The following TMOD2 variants were observed in gnomAD, a reference collection of about 807,000 sequenced individuals.
TMOD2 encodes tropomodulin 2, also known as tropomodulin-2.
TMOD2 carries 22 observed loss-of-function variants against 39.9 expected under a neutral mutation model. That is an observed-to-expected ratio of 0.55 (90% CI 0.39 to 0.79). The LOEUF is 0.79. TMOD2 is among the 30% of genes least tolerant of loss of function. The pLI is 0.00. For missense variants in TMOD2, 386 were observed against 413.3 expected, an observed-to-expected ratio of 0.93 and a Z score of 0.57; for synonymous variants, 123 against 146.1, an observed-to-expected ratio of 0.84 and a Z score of 1.14.
chr15:51,812,546 A>C lies in TMOD2; in HGVS notation c.*4092A>C, dbSNP rs1474363736. 2 of 152,256 alleles carry C rather than the reference A, an allele frequency of 1.3e-5. No homozygotes were observed. The highest frequency in any genetic ancestry group is 2.9e-5 in the Non-Finnish European group (2 of 68,042). 9.4% of individuals were successfully genotyped at this position (152,256 alleles called of 1,614,324 possible). ...GCACTACGAAGAAGACAGAGGAAGC[A>C]TAAAAATTCTGGACTAATATAATTT... is the stretch of plus-strand genomic sequence containing the variant. On this transcript the variant is annotated 3_prime_UTR_variant, in exon 10 of 10. Coordinates refer to ENST00000249700, the MANE Select transcript of TMOD2 (RefSeq NM_014548.4).
rs2056166910 is a variant in TMOD2, at chr15:51,813,158, A to T, written c.*4704A>T. ...AGTTAAGAAGTCAAATTGCTGACCG[A>T]GGTGGGGAAGGATGATGGAAATTAA... On this transcript the variant is annotated 3_prime_UTR_variant, in exon 10 of 10. Transcript: ENST00000249700. The T allele has an allele frequency of 6.6e-6, 1 of 152,218 alleles. No homozygotes were observed. The highest frequency in any genetic ancestry group is 1.5e-5 in the Non-Finnish European group (1 of 68,036). 9.4% of individuals were successfully genotyped at this position (152,218 alleles called of 1,614,324 possible). A position where few individuals can be genotyped will look rare whatever the true frequency, so the allele number is the denominator to read the frequency against.
chr15:51,799,416 C>T (rs1002518287), intron 8 of TMOD2, among the ~76,000 whole-genome samples: 2 of 152,314 alleles, frequency 1.3e-5, no homozygotes, highest in South Asian at 4.1e-4. Context: ...CTCAACAGTT[C>T]CTATGGAGGC....
chr15:51,783,114 C>T (rs1250471003), intron 7 of TMOD2: 1 of 344,898 alleles, frequency 2.9e-6, no homozygotes, highest in African/African-American at 2.2e-5. Context: ...GCTTAGGATA[C>T]ATTTTCTAAA....
chr15:51,791,838 C>T (rs1198872181), intron 7 of TMOD2, among the ~76,000 whole-genome samples: 1 of 152,176 alleles, frequency 6.6e-6, no homozygotes, highest in Non-Finnish European at 1.5e-5. Flanking sequence ...TTCCTTACAG[C>T]TTATACAAAA....
intron 1 of TMOD2, 97 bp from the exon 2 acceptor site, chr15:51,766,276 C>G (rs2055815833): frequency 1.7e-6 from 1 of 574,612 alleles, no homozygotes; most frequent in South Asian, 2.7e-5. Context: ...TCATTCAATA[C>G]AGTAGGCTCC....
chr15:51,795,142 C>T (rs951313087), intron 7 of TMOD2, among the ~76,000 whole-genome samples: 10 of 151,924 alleles, frequency 6.6e-5, no homozygotes, highest in Admixed American at 2.0e-4. Flanking sequence ...CATTTTGGTC[C>T]GGGTGCGGTG....
In TMOD2 at chr15:51,811,347, A is replaced by G. The variant is rs1430448935; in HGVS notation, c.*2893A>G. The G allele has an allele frequency of 6.6e-6, 1 of 152,176 alleles. No individual in the cohort carries two copies. Among genetic ancestry groups the G allele is most frequent in the Admixed American group, 6.5e-5 (1 of 15,276 alleles). 9.4% of individuals were successfully genotyped at this position (152,176 alleles called of 1,614,324 possible). A position where few individuals can be genotyped will look rare whatever the true frequency, so the allele number is the denominator to read the frequency against. On this transcript the variant is annotated 3_prime_UTR_variant, in exon 10 of 10. Transcript: ENST00000249700. ...AGATACTGTGTTGAGATATTTGGCA[A>G]TATCTGGATAACTGACTGAAGGGAG...
chr15:51,782,007 G>A (rs185744529), intron 6 of TMOD2, among the ~76,000 whole-genome samples: 74 of 152,234 alleles, frequency 4.9e-4, no homozygotes, highest in Non-Finnish European at 7.9e-4. Flanking sequence ...AGTTGTTAAC[G>A]TCATAGAGTT....
intron 1 of TMOD2, among the ~76,000 whole-genome samples, chr15:51,753,451 C>T (rs74015757): frequency 0.074 from 11,291 of 151,886 alleles, 535 homozygotes; most frequent in African/African-American, 0.11. Context: ...AAAGACTTGG[C>T]GATGGGGCAG....
chr15:51,804,983 G>A (rs1595880128), intron 8 of TMOD2, among the ~76,000 whole-genome samples: 1 of 151,360 alleles, frequency 6.6e-6, no homozygotes, highest in East Asian at 2.0e-4. Flanking sequence ...TTTTGAGACA[G>A]GGTCTCACTC....
intron 1 of TMOD2, among the ~76,000 whole-genome samples, chr15:51,754,137 T>G (rs2055726419): frequency 6.6e-6 from 1 of 152,152 alleles, no homozygotes; most frequent in East Asian, 1.9e-4. Flanking sequence ...ATCCTCTAGC[T>G]TCAACTTCAA....
At chr15:51,755,412 C>T (rs1466650751) in intron 1 of TMOD2, among the ~76,000 whole-genome samples, 2 of 152,212 alleles carry the variant, frequency 1.3e-5, no homozygotes, top group Non-Finnish European at 2.9e-5. Flanking sequence ...TGTGTCATCA[C>T]TATTCCTAGG....
chr15:51,803,993 A>G (rs1567248741), intron 8 of TMOD2, among the ~76,000 whole-genome samples: 1 of 152,128 alleles, frequency 6.6e-6, no homozygotes, highest in Non-Finnish European at 1.5e-5. Context: ...TAGGGAAAGA[A>G]GTAACACTCG....
chr15:51,801,233 TCTCTCACACA>T (rs1181071761), intron 8 of TMOD2, among the ~76,000 whole-genome samples: 14 of 97,086 alleles, frequency 1.4e-4, no homozygotes, highest in African/African-American at 5.9e-4. Context: ...TCTCTCTCTC[TCTCTCACACA>T]CACACACACA....
chr15:51,766,154 C>T (rs1461729533), intron 1 of TMOD2, among the ~76,000 whole-genome samples: 2 of 152,228 alleles, frequency 1.3e-5, no homozygotes, highest in Non-Finnish European at 2.9e-5. Context: ...TCGTCACGGG[C>T]TTCCTCACAG....
intron 5 of TMOD2, among the ~76,000 whole-genome samples, 197 bp from the exon 6 acceptor site, chr15:51,780,847 G>A (rs2086132421): frequency 6.6e-6 from 1 of 152,164 alleles, no homozygotes; most frequent in African/African-American, 2.4e-5. Context: ...CATTGCAGTT[G>A]AGAAACACCA....
rs1367212697 is a variant in TMOD2 at position 51,814,868 on chromosome 15, G to C, written c.*6414G>C. 6.6e-6 allele frequency: 1 copy of C among 152,256 alleles called. No homozygotes were observed. The highest frequency in any genetic ancestry group is 1.5e-5 in the Non-Finnish European group (1 of 68,066). 9.4% of individuals were successfully genotyped at this position (152,256 alleles called of 1,614,324 possible). ...AGGAGGCTTTGTTCAGAGGAGGTCTGACTATTGCACAGCCAGTTTTTTCTT... is the reference window on the plus strand; with the variant it reads ...AGGAGGCTTTGTTCAGAGGAGGTCTCACTATTGCACAGCCAGTTTTTTCTT... On this transcript the variant is annotated 3_prime_UTR_variant, in exon 10 of 10. Transcript: ENST00000249700.
intron 3 of TMOD2, among the ~76,000 whole-genome samples, chr15:51,771,823 A>G (rs1327793494): frequency 3.3e-5 from 5 of 152,014 alleles, no homozygotes; most frequent in Non-Finnish European, 7.4e-5. Context: ...TTCTTTTTCC[A>G]TTTTCTATCT....
intron 8 of TMOD2, among the ~76,000 whole-genome samples, chr15:51,799,462 C>G (rs1020289998): frequency 2.6e-5 from 4 of 152,176 alleles, no homozygotes; most frequent in Non-Finnish European, 4.4e-5. Flanking sequence ...GACAAGCAGA[C>G]TGTTTTCAGT....
Sources: allele counts gnomAD v4.1 joint callset (sites outside exome capture counted in the v4.1 genomes callset), GRCh38; gene constraint gnomAD v4.1.1; transcripts MANE v1.5; gene names NCBI Gene and HGNC (gene_info 2026-07-23, HGNC 2026-07-21).